The following ADAMTSL1 variants were observed in gnomAD, a reference collection of about 807,000 sequenced individuals.
ADAMTSL1 encodes the protein ADAMTS-like protein 1.
Under a neutral mutation model 201.8 loss-of-function variants are expected in ADAMTSL1, and 126 were observed. The ratio of observed to expected loss-of-function variants is 0.62; its 90% CI spans 0.54 to 0.72. The LOEUF is 0.72. Ranked by LOEUF, ADAMTSL1 falls within the 30% of genes least tolerant of loss-of-function variation. The pLI is 0.00. For missense variants in ADAMTSL1, 2,679 were observed against 2,277.8 expected (o/e 1.18, Z -3.59); for synonymous variants, 1,121 against 903.4 (o/e 1.24, Z -4.32).
At chr9:17,993,184 C>A (rs914359659) in intron 1 of ADAMTSL1, among the ~76,000 whole-genome samples, 1 of 152,032 alleles carries the variant, frequency 6.6e-6, no homozygotes, top group African/African-American at 2.4e-5. Context: ...TAGGTTATCT[C>A]GTTGGGTGGA....
At chr9:18,753,896 A>G (rs1327905732) in intron 16 of ADAMTSL1, among the ~76,000 whole-genome samples, 1 of 152,238 alleles carries the variant, frequency 6.6e-6, no homozygotes, top group African/African-American at 2.4e-5. Flanking sequence ...ATTCTAAGAA[A>G]TAAGGGTAGT....
chr9:18,260,124 C>A (rs1831858613), intron 2 of ADAMTSL1, among the ~76,000 whole-genome samples: 2 of 152,200 alleles, frequency 1.3e-5, no homozygotes, highest in Admixed American at 1.3e-4. Flanking sequence ...CTTGGGAAAG[C>A]TTTAATTCCA....
chr9:18,133,330 A>G (rs1024136390), intron 1 of ADAMTSL1, among the ~76,000 whole-genome samples: 1 of 152,076 alleles, frequency 6.6e-6, no homozygotes, highest in Non-Finnish European at 1.5e-5. Context: ...CTGACTCCAG[A>G]TTGCCAGTCC....
intron 1 of ADAMTSL1, among the ~76,000 whole-genome samples, chr9:17,960,749 C>T (rs1376666938): frequency 1.3e-5 from 2 of 152,184 alleles, no homozygotes; most frequent in African/African-American, 4.8e-5. Context: ...AACATTTCAT[C>T]TCATCACTGC....
At chr9:18,138,182 G>A (rs1157363404) in intron 1 of ADAMTSL1, among the ~76,000 whole-genome samples, 1 of 152,158 alleles carries the variant, frequency 6.6e-6, no homozygotes, top group South Asian at 2.1e-4. Flanking sequence ...ATGGCGAAAA[G>A]TAAGTATTAA....
chr9:18,460,999 T>C (rs1376060612), intron 2 of ADAMTSL1, among the ~76,000 whole-genome samples: 2 of 152,192 alleles, frequency 1.3e-5, no homozygotes, highest in Non-Finnish European at 2.9e-5. Context: ...CACTGTCATT[T>C]TGCAAGGAAA....
At chr9:18,654,982 G>A (rs1828536876) in intron 7 of ADAMTSL1, among the ~76,000 whole-genome samples, 1 of 152,248 alleles carries the variant, frequency 6.6e-6, no homozygotes, top group Non-Finnish European at 1.5e-5. Context: ...CATGAGAGCA[G>A]CGACTGAACA....
chr9:18,519,957 C>T (rs1225606157), intron 2 of ADAMTSL1, among the ~76,000 whole-genome samples: 1 of 152,072 alleles, frequency 6.6e-6, no homozygotes, highest in East Asian at 1.9e-4. Context: ...TTTGTGAAAA[C>T]TTGATGCTTT....
chr9:17,979,257 C>G (rs910498867), intron 1 of ADAMTSL1, among the ~76,000 whole-genome samples: 2 of 151,758 alleles, frequency 1.3e-5, no homozygotes, highest in Non-Finnish European at 2.9e-5. Context: ...TATATATTAC[C>G]CTGCTCCTTT....
At chr9:18,125,447 A>AT (rs1021473978) in intron 1 of ADAMTSL1, among the ~76,000 whole-genome samples, 1 of 152,024 alleles carries the variant, frequency 6.6e-6, no homozygotes, top group African/African-American at 2.4e-5. Flanking sequence ...CAATTTATTT[A>AT]TTTTTTTCTT....
intron 23 of ADAMTSL1, among the ~76,000 whole-genome samples, chr9:18,868,762 A>G (rs565458321): frequency 1.3e-5 from 2 of 152,324 alleles, no homozygotes; most frequent in African/African-American, 4.8e-5. Flanking sequence ...TTTTCTGTGT[A>G]GCACCCTCAA....
At position 18,777,070 on chromosome 9, in the gene ADAMTSL1, C is replaced by G; in HGVS notation, c.2841C>G (p.Cys947Trp). Residue 947 changes from cysteine to tryptophan, a missense_variant, in exon 19 of 29, where the codon TGC (cysteine) becomes TGG (tryptophan). By Grantham distance (215) the Cys-to-Trp change is radical. Coordinates refer to ENST00000380548, the MANE Select transcript of ADAMTSL1 (RefSeq NM_001040272.6). ...CCTCGGATGCAGGCGTCTACACCTG[C>G]TCAGCGGGCCCGGCCCGGGAGCACT... Reference protein sequence around the residue: ...LKPSDAGVYTCSAGPAREHFV... With the variant: ...LKPSDAGVYTWSAGPAREHFV... The G allele has an allele frequency of 6.2e-7, 1 of 1,613,376 alleles. No individual in the cohort carries two copies. The highest frequency in any genetic ancestry group is 2.2e-5 in the East Asian group (1 of 44,866).
chr9:18,533,789 A>G (rs539614096), intron 3 of ADAMTSL1, among the ~76,000 whole-genome samples: 1 of 152,244 alleles, frequency 6.6e-6, no homozygotes, highest in East Asian at 1.9e-4. Context: ...AAGAAGACAG[A>G]TGTGCATTGC....
intron 1 of ADAMTSL1, among the ~76,000 whole-genome samples, chr9:18,027,453 CCTTAA>C (rs926541323): frequency 1.4e-4 from 21 of 150,768 alleles, no homozygotes; most frequent in African/African-American, 5.1e-4. Context: ...TTTATTTCTG[CCTTAA>C]CTTCATTGTT....
chr9:18,292,887 G>A (rs1390156526), intron 2 of ADAMTSL1, among the ~76,000 whole-genome samples: 1 of 152,158 alleles, frequency 6.6e-6, no homozygotes, highest in African/African-American at 2.4e-5. Context: ...GTGATCATGT[G>A]AGTCAGTGCT....
At chr9:18,528,181 TTTTTTA>T (rs1256404391) in intron 2 of ADAMTSL1, among the ~76,000 whole-genome samples, 1 of 152,010 alleles carries the variant, frequency 6.6e-6, no homozygotes. Context: ...CCTGGCCCAT[TTTTTTA>T]TTTTTATTTT....
chr9:18,445,944 C>G (rs557403799), intron 2 of ADAMTSL1, among the ~76,000 whole-genome samples: 74 of 152,158 alleles, frequency 4.9e-4, no homozygotes, highest in African/African-American at 1.6e-3. Flanking sequence ...TATAGTTACC[C>G]TATCATGTAG....
At chr9:18,180,490 G>A (rs532830180) in intron 2 of ADAMTSL1, among the ~76,000 whole-genome samples, 1,841 of 134,312 alleles carry the variant, frequency 0.014, 22 homozygotes, top group African/African-American at 0.034. Flanking sequence ...CCAAGATCCC[G>A]CCACTGCACT....
chr9:17,945,455 C>G (rs1223421065), intron 1 of ADAMTSL1, among the ~76,000 whole-genome samples: 2 of 149,172 alleles, frequency 1.3e-5, no homozygotes, highest in Non-Finnish European at 3.0e-5. Context: ...ACCCAGCCAT[C>G]CCATTACTGG....
Sources: gnomAD v4.1 joint callset for allele counts (sites outside exome capture counted in the v4.1 genomes callset) on GRCh38, gnomAD v4.1.1 for gene constraint, MANE v1.5 for transcripts, NCBI Gene and HGNC (gene_info 2026-07-23, HGNC 2026-07-21) for gene names.